The following DNM2 variants were observed in gnomAD, a reference collection of about 807,000 sequenced individuals.
The protein encoded by DNM2 is dynamin 2.
In DNM2, 15 loss-of-function variants were observed where a neutral mutation model predicts 99.0. The observed-to-expected ratio is 0.15, with a 90% CI of 0.10 to 0.23. DNM2 has a LOEUF of 0.23. Ranked by LOEUF, DNM2 falls within the 10% of genes least tolerant of loss-of-function variation. The pLI, the probability that DNM2 is intolerant of heterozygous loss-of-function variation, is 1.00. For synonymous variants in DNM2, 525 were observed against 481.2 expected, an observed-to-expected ratio of 1.09 and a Z score of -1.19; for missense variants, 742 against 1,189.4, an observed-to-expected ratio of 0.62 and a Z score of 5.53.
chr19:10,766,621 G>A (rs2070804833), intron 2 of DNM2, among the ~76,000 whole-genome samples: 1 of 151,838 alleles, frequency 6.6e-6, no homozygotes, highest in African/African-American at 2.4e-5. Context: ...AGATGCTAGG[G>A]GGAACTGTGA....
At chr19:10,804,043 C>G (rs1109375) in intron 12 of DNM2, among the ~76,000 whole-genome samples, 19,838 of 152,130 alleles carry the variant, frequency 0.13, 1,624 homozygotes, top group Middle Eastern at 0.22. Context: ...GGAAGGAAGG[C>G]TACCAGACCA....
chr19:10,762,697 G>C (rs1033544944), intron 2 of DNM2, among the ~76,000 whole-genome samples: 5 of 152,166 alleles, frequency 3.3e-5, no homozygotes, highest in African/African-American at 1.2e-4. Context: ...AAGGCTTCCT[G>C]ACCACTTGCC....
chr19:10,721,235 C>T (rs1400410140), intron 1 of DNM2, among the ~76,000 whole-genome samples: 1 of 152,144 alleles, frequency 6.6e-6, no homozygotes, highest in Non-Finnish European at 1.5e-5. Context: ...CAGCTTACTG[C>T]AACCTCCACC....
intron 16 of DNM2, 112 bp from the exon 17 acceptor site, chr19:10,823,676 G>T: frequency 1.0e-6 from 1 of 996,698 alleles, no homozygotes; most frequent in Non-Finnish European, 1.6e-6. Flanking sequence ...AGCCTGGGTT[G>T]GGTTTGGGTT....
rs376593804 is a variant in DNM2, at chr19:10,760,499, C to T, written c.235+688C>T. Among the ~76,000 whole-genome samples the T allele has an allele frequency of 6.6e-5, 10 of 152,206 alleles. No individual in the cohort carries two copies. In the East Asian group the frequency reaches 1.5e-3, roughly 23 times the overall value. ...AGTCCCAGCACCATGCCCCAGAGAA[C>T]GAGTCATTCCCGCATGTCATCCACG... On this transcript the variant is annotated intron_variant, in intron 2 of 20. Transcript: ENST00000389253.
intron 10 of DNM2, among the ~76,000 whole-genome samples, chr19:10,797,914 C>T (rs2071995408): frequency 6.6e-6 from 1 of 152,114 alleles, no homozygotes; most frequent in Admixed American, 6.5e-5. Context: ...GACTCGTGGA[C>T]TTGACCCACA....
intron 18 of DNM2, among the ~76,000 whole-genome samples, chr19:10,828,718 T>G (rs372012818): frequency 2.7e-4 from 41 of 152,010 alleles, no homozygotes; most frequent in Admixed American, 7.9e-4. Flanking sequence ...TGAATAAGAA[T>G]CTCATAACCA....
chr19:10,732,461 G>A (rs1016659733), intron 1 of DNM2, among the ~76,000 whole-genome samples: 4 of 151,688 alleles, frequency 2.6e-5, no homozygotes, highest in Non-Finnish European at 5.9e-5. Context: ...TTAGCTGGGC[G>A]TGGTGGCGAG....
Position 10,793,777 on chromosome 19 carries a change from G to C in DNM2, c.1050G>C (p.Gln350His), listed in dbSNP as rs757266860. 6.2e-7 allele frequency: 1 copy of C among 1,614,160 alleles called. No individual in the cohort carries two copies. The highest frequency in any genetic ancestry group is 1.6e-4 in the Middle Eastern group (1 of 6,062). The change falls in exon 8 of 21, where the codon CAG (glutamine) becomes CAC (histidine). Residue 350 changes from glutamine to histidine, a missense_variant. Coordinates refer to ENST00000389253, the MANE Select transcript of DNM2 (RefSeq NM_001005361.3). The part of the protein sequence containing the change: ...FEKRIEGSGD[Q>H]VDTLELSGGA... ...AGAGGATCGAGGGCTCAGGAGATCA[G>C]GTGGACACTCTGGAGCTCTCCGGGG...
chr19:10,781,753 A>G (rs913497401), intron 5 of DNM2: 1 of 152,182 alleles, frequency 6.6e-6, no homozygotes, highest in Non-Finnish European at 1.5e-5. Flanking sequence ...CTGTCTCAAA[A>G]CAAAAAACCC....
In DNM2 at chr19:10,830,287, G is replaced by A. The variant is rs755608537; in HGVS notation, c.2452G>A (p.Val818Met). 59 of 1,613,682 alleles carry A rather than the reference G, an allele frequency of 3.7e-5. No individual in the cohort carries two copies. The highest frequency in any genetic ancestry group is 4.3e-5 in the Non-Finnish European group (51 of 1,179,918). ...CCCATCCCGGCCTGGACCCCAGAGC[G>A]TGTTTGCCAACAGTGACCTCTTCCC... is the stretch of plus-strand genomic sequence containing the variant. The part of the protein sequence containing the change: ...PIPSRPGPQS[V>M]FANSDLFPAP... The change falls in exon 20 of 21, where the codon GTG becomes ATG. Residue 818 changes from valine (V) to methionine (M), a missense_variant. Val to Met is a conservative substitution (Grantham distance 21, BLOSUM62 1). Transcript: ENST00000389253. This position sits in a 1 kb window ranked among gnomAD's most constrained non-coding sequence, Gnocchi z 4.8.
chr19:10,814,807 C>T (rs1433115029), intron 15 of DNM2, among the ~76,000 whole-genome samples: 1 of 152,192 alleles, frequency 6.6e-6, no homozygotes, highest in African/African-American at 2.4e-5. Context: ...GGATCTCATT[C>T]TTTTCTATGG....
In DNM2 at chr19:10,825,050, C is replaced by T; in HGVS notation, c.1894-7C>T. The T allele has an allele frequency of 6.2e-7, 1 of 1,614,062 alleles. No homozygotes were observed. Among genetic ancestry groups the T allele is most frequent in the Non-Finnish European group, 8.5e-7 (1 of 1,179,992 alleles). Reference sequence around the variant, plus strand: ...TCACCCCTCAGCACCTCCCCTCCCGCTTGCAGGCAGAAAACGAGGATGGGG... The same window carrying T: ...TCACCCCTCAGCACCTCCCCTCCCGTTTGCAGGCAGAAAACGAGGATGGGG... On this transcript the variant is annotated splice_region_variant and splice_polypyrimidine_tract_variant and intron_variant, in intron 17 of 20. Transcript: ENST00000389253.
At chr19:10,720,413 A>T (rs1304111590) in intron 1 of DNM2, among the ~76,000 whole-genome samples, 1 of 151,796 alleles carries the variant, frequency 6.6e-6, no homozygotes, top group African/African-American at 2.4e-5. Context: ...GGGTTTCACC[A>T]TGTTGGCCAG....
intron 2 of DNM2, among the ~76,000 whole-genome samples, chr19:10,760,693 A>T (rs2070592767): frequency 6.6e-6 from 1 of 151,448 alleles, no homozygotes; most frequent in Non-Finnish European, 1.5e-5. Context: ...ACAGGGTCTC[A>T]CTCTGTTCCC....
chr19:10,828,717 A>C (rs1178232430), intron 18 of DNM2, among the ~76,000 whole-genome samples: 1 of 152,196 alleles, frequency 6.6e-6, no homozygotes, highest in Non-Finnish European at 1.5e-5. Context: ...TTGAATAAGA[A>C]TCTCATAACC....
At chr19:10,723,730 G>C (rs943079907) in intron 1 of DNM2, among the ~76,000 whole-genome samples, 12 of 152,174 alleles carry the variant, frequency 7.9e-5, no homozygotes, top group Admixed American at 6.6e-5. Flanking sequence ...TGTGTGCCTG[G>C]GGACATGGCC....
rs368657370 is a variant in DNM2, at chr19:10,777,012, T to A, written c.590-106T>A. 1.5e-4 allele frequency: 160 copies of A among 1,060,266 alleles called. No individual in the cohort carries two copies. The East Asian group carries it at 1.8e-3, about 12-fold the overall frequency. 65.7% of individuals were successfully genotyped at this position (1,060,266 alleles called of 1,614,324 possible). ...GACGTTCTGGCTTTCCCAGGTGATG[T>A]GACCTGGAAGTTTCAGGGCCAACTG... On this transcript the variant is annotated intron_variant, in intron 4 of 20. Transcript: ENST00000389253.
intron 1 of DNM2, among the ~76,000 whole-genome samples, chr19:10,745,916 T>G (rs1278530186): frequency 2.0e-5 from 3 of 152,336 alleles, no homozygotes; most frequent in Non-Finnish European, 4.4e-5. Context: ...GAGGCCAGCA[T>G]GTGCAAAGGC....
Sources: allele counts gnomAD v4.1 joint callset (sites outside exome capture counted in the v4.1 genomes callset), GRCh38; gene constraint gnomAD v4.1.1; non-coding constraint Gnocchi (gnomAD v3.1); transcripts MANE v1.5; gene names NCBI Gene and HGNC (gene_info 2026-07-23, HGNC 2026-07-21).